The following SH3BGRL2 variants were observed in gnomAD, a reference collection of about 807,000 sequenced individuals.
SH3BGRL2 encodes the protein SH3 domain binding glutamate rich protein like 2, also known as SH3 domain-binding glutamic acid-rich-like protein 2.
SH3BGRL2 carries 21 observed loss-of-function variants against 14.8 expected under a neutral mutation model. The ratio of observed to expected loss-of-function variants is 1.42; its 90% CI spans 1.01 to 2.05. The LOEUF is 2.05. SH3BGRL2 is among the 30% of genes most tolerant of loss of function. The pLI, the probability that SH3BGRL2 is intolerant of heterozygous loss-of-function variation, is 0.00. For synonymous variants in SH3BGRL2, 50 were observed against 47.8 expected, an observed-to-expected ratio of 1.05 and a Z score of -0.19; for missense variants, 147 against 130.8, an observed-to-expected ratio of 1.12 and a Z score of -0.61.
At chr6:79,582,704 C>T in the SH3BGRL2 span, among the ~76,000 whole-genome samples, 2 of 152,258 alleles carry the variant, frequency 1.3e-5, no homozygotes, top group Admixed American at 6.5e-5. Flanking sequence ...CTAGGCAATA[C>T]CATTCAGGAC....
chr6:79,696,871 C>A (rs900457712), intron 3 of SH3BGRL2, among the ~76,000 whole-genome samples: 4 of 151,916 alleles, frequency 2.6e-5, no homozygotes, highest in African/African-American at 9.7e-5. Flanking sequence ...TTTAAAATTG[C>A]AAATTTTTTT....
chr6:79,682,992 T>A (rs1404926962), intron 2 of SH3BGRL2, among the ~76,000 whole-genome samples: 2 of 152,102 alleles, frequency 1.3e-5, no homozygotes, highest in African/African-American at 4.8e-5. Context: ...TAGGTGGGAA[T>A]TGAACAATGA....
At chr6:79,648,903 A>G (rs896995258) in intron 1 of SH3BGRL2, among the ~76,000 whole-genome samples, 1 of 152,188 alleles carries the variant, frequency 6.6e-6, no homozygotes, top group Non-Finnish European at 1.5e-5. Context: ...CTGTGTTATT[A>G]AAGATAACTT....
At chr6:79,698,164 TG>T (rs1770371919) in intron 3 of SH3BGRL2, among the ~76,000 whole-genome samples, 1 of 152,174 alleles carries the variant, frequency 6.6e-6, no homozygotes, top group African/African-American at 2.4e-5. Context: ...CAGTTATACC[TG>T]GACAGGAGTA....
chr6:79,595,365 G>A, the SH3BGRL2 span, among the ~76,000 whole-genome samples: 2 of 152,072 alleles, frequency 1.3e-5, no homozygotes, highest in Admixed American at 6.6e-5. Context: ...AAATTTGGGG[G>A]AAATATTGGC....
rs187002962 is a variant in SH3BGRL2, at chr6:79,675,423, G to T, written c.231+1624G>T. 3.9e-3 allele frequency among the ~76,000 whole-genome samples: 596 copies of T among 152,096 alleles called. 4 individuals are homozygous for T. The highest frequency in any genetic ancestry group is 0.013 in the African/African-American group (552 of 41,508). ...TATATATACATTCACCACATCTTTT[G>T]GTGAATTACTATGGTATGAGCTATT... On this transcript the variant is annotated intron_variant, in intron 2 of 3. Coordinates refer to ENST00000369838, the MANE Select transcript of SH3BGRL2 (RefSeq NM_031469.4).
At chr6:79,586,015 G>A in the SH3BGRL2 span, among the ~76,000 whole-genome samples, 1 of 151,824 alleles carries the variant, frequency 6.6e-6, no homozygotes, top group Non-Finnish European at 1.5e-5. Context: ...GACCAACATG[G>A]AGAAACCCTG....
At chr6:79,631,937 A>G (rs1478451856) in intron 1 of SH3BGRL2, among the ~76,000 whole-genome samples, 1 of 152,176 alleles carries the variant, frequency 6.6e-6, no homozygotes, top group African/African-American at 2.4e-5. Flanking sequence ...TAGCTCCTGA[A>G]TGAAGCAAGT....
At chr6:79,676,473 T>C (rs529214655) in intron 2 of SH3BGRL2, among the ~76,000 whole-genome samples, 3 of 152,116 alleles carry the variant, frequency 2.0e-5, no homozygotes, top group Non-Finnish European at 4.4e-5. Flanking sequence ...TTCTTGCTGA[T>C]AGTGCTCCTG....
chr6:79,544,426 A>G, the SH3BGRL2 span, among the ~76,000 whole-genome samples: 3 of 152,226 alleles, frequency 2.0e-5, no homozygotes, highest in African/African-American at 7.2e-5. Context: ...ACTAGCTTGC[A>G]AAAGCCAATT....
Position 79,696,492 on chromosome 6 carries a change from A to T in SH3BGRL2, c.239A>T (p.Asp80Val), listed in dbSNP as rs1351484425. The change falls in exon 3 of 4, where the codon GAC becomes GTC. Residue 80 changes from aspartate to valine, a missense_variant. Transcript: ENST00000369838. ...GCTTCCCTTTTTTTCTAGGATTATG[A>T]CAGTTTTTTTGAATCCAAGGAAAGC... ...FNGDRYCGDYDSFFESKESNT... is the reference protein window; with the variant it reads ...FNGDRYCGDYVSFFESKESNT... 2 of 1,579,798 alleles carry T rather than the reference A, an allele frequency of 1.3e-6. No individual in the cohort carries two copies.
At chr6:79,611,621 A>G in the SH3BGRL2 span, among the ~76,000 whole-genome samples, 4 of 152,236 alleles carry the variant, frequency 2.6e-5, no homozygotes, top group Admixed American at 1.3e-4. Context: ...CATGTTGGCC[A>G]GGCTGGTCTT....
the SH3BGRL2 span, among the ~76,000 whole-genome samples, chr6:79,607,118 C>T: frequency 6.6e-6 from 1 of 152,316 alleles, no homozygotes; most frequent in African/African-American, 2.4e-5. Context: ...CCGTTTCTCA[C>T]ATAAGCCTTG....
the SH3BGRL2 span, among the ~76,000 whole-genome samples, chr6:79,585,042 AC>A: frequency 9.4e-6 from 1 of 106,216 alleles, no homozygotes; most frequent in African/African-American, 3.0e-5. Flanking sequence ...AACAAAACCC[AC>A]CTTTTTTTTT....
At chr6:79,661,633 G>T (rs1769550570) in intron 1 of SH3BGRL2, among the ~76,000 whole-genome samples, 1 of 152,214 alleles carries the variant, frequency 6.6e-6, no homozygotes, top group Non-Finnish European at 1.5e-5. Flanking sequence ...GAGTTCTGTA[G>T]ATGTCTATTA....
rs776713454 is a variant in SH3BGRL2 at position 79,673,619 on chromosome 6, G to T, written c.51G>T (p.Lys17Asn). The T allele has an allele frequency of 6.2e-7, 1 of 1,613,758 alleles. No individual in the cohort carries two copies. The highest frequency in any genetic ancestry group is 8.5e-7 in the Non-Finnish European group (1 of 1,179,866). Residue 17 changes from lysine to asparagine, a missense_variant, in exon 2 of 4, where the codon AAG becomes AAT. Coordinates refer to ENST00000369838, the MANE Select transcript of SH3BGRL2 (RefSeq NM_031469.4). ...IASSSGFVAIKKKQQDVVRFL... is the reference protein window; with the variant it reads ...IASSSGFVAINKKQQDVVRFL... Reference sequence around the variant, plus strand: ...TGTTTGTCTTCTCTCTTTAGATAAAGAAGAAGCAGCAAGATGTGGTTAGAT... The same window carrying T: ...TGTTTGTCTTCTCTCTTTAGATAAATAAGAAGCAGCAAGATGTGGTTAGAT...
the SH3BGRL2 span, among the ~76,000 whole-genome samples, chr6:79,599,652 G>A: frequency 1.3e-5 from 2 of 152,142 alleles, no homozygotes; most frequent in African/African-American, 2.4e-5. Flanking sequence ...AAAACACTGA[G>A]TACAACCCAA....
chr6:79,544,561 C>G, the SH3BGRL2 span, among the ~76,000 whole-genome samples: 6 of 152,230 alleles, frequency 3.9e-5, no homozygotes, highest in Non-Finnish European at 5.9e-5. Context: ...CCCAGAGCCA[C>G]TGGTTAAACC....
chr6:79,586,998 G>C, the SH3BGRL2 span, among the ~76,000 whole-genome samples: 2 of 152,078 alleles, frequency 1.3e-5, no homozygotes, highest in Admixed American at 6.6e-5. Flanking sequence ...TCAGTTCTGG[G>C]GGGTAATCCA....
Sources: allele counts gnomAD v4.1 joint callset (sites outside exome capture counted in the v4.1 genomes callset), GRCh38; gene constraint gnomAD v4.1.1; transcripts MANE v1.5; gene names NCBI Gene and HGNC (gene_info 2026-07-23, HGNC 2026-07-21).